C6orf58: variants seen among roughly 807,000 people sequenced by gnomAD.
C6orf58 encodes chromosome 6 open reading frame 58.
Under a neutral mutation model 37.0 loss-of-function variants are expected in C6orf58, and 30 were observed. That is an observed-to-expected ratio of 0.81 (90% CI 0.61 to 1.10). The LOEUF is 1.10. Among genes scored for constraint, C6orf58 ranks in the 50% least tolerant of loss-of-function variants. The probability of loss-of-function intolerance (pLI) is 0.00; values close to 1 mark genes in which losing one functional copy is unlikely to be tolerated. For missense variants in C6orf58, 368 were observed against 387.5 expected (o/e 0.95, Z 0.42); for synonymous variants, 143 against 134.1 (o/e 1.07, Z -0.46).
At chr6:127,581,314 A>T (rs772606205) in intron 4 of C6orf58, 32 bp downstream of exon 4, 8 of 956,856 alleles carry the variant, frequency 8.4e-6, no homozygotes, top group Non-Finnish European at 1.2e-5. Context: ...ATCTCTATTT[A>T]ATATGATAAA....
At chr6:127,584,605 C>A (rs1300020358) in intron 4 of C6orf58, among the ~76,000 whole-genome samples, 1 of 152,094 alleles carries the variant, frequency 6.6e-6, no homozygotes, top group Non-Finnish European at 1.5e-5. Context: ...GAAACCCCGT[C>A]TCTAGTAAAA....
intron 2 of C6orf58, among the ~76,000 whole-genome samples, chr6:127,579,228 G>C (rs1187454548): frequency 6.6e-6 from 1 of 152,052 alleles, no homozygotes; most frequent in Non-Finnish European, 1.5e-5. Context: ...AGTAATCTCA[G>C]GCTTTAATCA....
chr6:127,578,609 C>G, intron 1 of C6orf58, 77 bp from the exon 2 acceptor site: 2 of 915,628 alleles, frequency 2.2e-6, no homozygotes, highest in South Asian at 3.1e-5. Flanking sequence ...CAAACAAAAT[C>G]TATGTGGTTA....
At chr6:127,590,965 A>C (rs1411969143) in intron 5 of C6orf58, among the ~76,000 whole-genome samples, 3 of 152,162 alleles carry the variant, frequency 2.0e-5, no homozygotes, top group African/African-American at 7.2e-5. Flanking sequence ...TGAAAGATAA[A>C]AATGGAGTAA....
At chr6:127,591,464 A>T in intron 5 of C6orf58, 79 bp from the exon 6 acceptor site, 1 of 1,241,970 alleles carries the variant, frequency 8.1e-7, no homozygotes, top group Non-Finnish European at 1.1e-6. Flanking sequence ...ATGAAATAAA[A>T]TTATGAGCCA....
chr6:127,581,000 A>G (rs909809722), intron 3 of C6orf58, among the ~76,000 whole-genome samples, 182 bp from the exon 4 acceptor site: 6 of 152,084 alleles, frequency 3.9e-5, no homozygotes, highest in Admixed American at 6.6e-5. Context: ...ATTAAAACTA[A>G]TGAATATTTT....
intron 4 of C6orf58, among the ~76,000 whole-genome samples, chr6:127,589,515 T>C (rs899173248): frequency 6.6e-6 from 1 of 152,208 alleles, no homozygotes; most frequent in Non-Finnish European, 1.5e-5. Context: ...TCACCTATTA[T>C]GGGGACAAAT....
intron 4 of C6orf58, among the ~76,000 whole-genome samples, chr6:127,589,247 T>G (rs1368030736): frequency 6.6e-6 from 1 of 152,162 alleles, no homozygotes; most frequent in Non-Finnish European, 1.5e-5. Context: ...TCAGGTGGGC[T>G]GGAATGCCCT....
chr6:127,588,445 CT>C (rs1459145490), intron 4 of C6orf58, among the ~76,000 whole-genome samples: 1 of 152,102 alleles, frequency 6.6e-6, no homozygotes, highest in Non-Finnish European at 1.5e-5. Flanking sequence ...ACCCTAAAAG[CT>C]CATCAAGTTA....
intron 4 of C6orf58, among the ~76,000 whole-genome samples, chr6:127,588,808 C>T (rs916529997): frequency 6.6e-6 from 1 of 152,126 alleles, no homozygotes; most frequent in Non-Finnish European, 1.5e-5. Context: ...TTGTTTAGTA[C>T]ATTGTTACTA....
chr6:127,585,888 A>G (rs1775101457), intron 4 of C6orf58, among the ~76,000 whole-genome samples: 2 of 152,160 alleles, frequency 1.3e-5, no homozygotes. Flanking sequence ...ACAACCTGTC[A>G]TTCCATACCC....
chr6:127,578,157 AGAAAAACAAT>A (rs1775010164), intron 1 of C6orf58, among the ~76,000 whole-genome samples: 1 of 152,150 alleles, frequency 6.6e-6, no homozygotes, highest in Non-Finnish European at 1.5e-5. Flanking sequence ...TTCATTTGGA[AGAAAAACAAT>A]GATTATTTTC....
Position 127,581,230 on chromosome 6 carries a change from TG to T in C6orf58, c.625del (p.Ala209LeufsTer39). 6.5e-7 allele frequency: 1 copy of T among 1,545,246 alleles called. No homozygotes were observed. Among genetic ancestry groups the T allele is most frequent in the Non-Finnish European group, 8.8e-7 (1 of 1,142,692 alleles). ...GTTTGATGATCTGTTGAAGTACTTATGGGCTGCACACACTTCAACCTTGGCA... is the reference window on the plus strand; with the variant it reads ...GTTTGATGATCTGTTGAAGTACTTATGGCTGCACACACTTCAACCTTGGCA... ...SKFDDLLKYL[W>X]AAHTSTLADN... On this transcript the variant is annotated frameshift_variant, in exon 4 of 6. Transcript: ENST00000329722. LOFTEE classifies it high-confidence loss of function.
intron 2 of C6orf58, among the ~76,000 whole-genome samples, chr6:127,579,468 C>T (rs1775025105): frequency 6.6e-6 from 1 of 152,068 alleles, no homozygotes; most frequent in Admixed American, 6.6e-5. Flanking sequence ...ATAGTAGTGG[C>T]CACAGATCTA....
At chr6:127,586,868 C>A (rs79027886) in intron 4 of C6orf58, among the ~76,000 whole-genome samples, 7,649 of 152,242 alleles carry the variant, frequency 0.05, 202 homozygotes, top group South Asian at 0.068. Context: ...TTCAAGGACC[C>A]TCTGTTCTAC....
intron 1 of C6orf58, 50 bp from the exon 2 acceptor site, chr6:127,578,636 A>G: frequency 7.7e-7 from 1 of 1,299,264 alleles, no homozygotes; most frequent in Non-Finnish European, 1.1e-6. Flanking sequence ...AGTTACAGCC[A>G]GTTTCAAAAT....
chr6:127,588,763 C>T (rs922082884), intron 4 of C6orf58, among the ~76,000 whole-genome samples: 2 of 152,160 alleles, frequency 1.3e-5, no homozygotes, highest in Non-Finnish European at 2.9e-5. Flanking sequence ...GTGCACTCAT[C>T]TCTTCTCTCC....
chr6:127,589,575 GA>G (rs1775140168), intron 4 of C6orf58, among the ~76,000 whole-genome samples: 1 of 152,076 alleles, frequency 6.6e-6, no homozygotes, highest in African/African-American at 2.4e-5. Flanking sequence ...AACAATTACA[GA>G]GGCTTTTTTT....
At chr6:127,589,574 A>G (rs1301494808) in intron 4 of C6orf58, among the ~76,000 whole-genome samples, 1 of 152,198 alleles carries the variant, frequency 6.6e-6, no homozygotes, top group Non-Finnish European at 1.5e-5. Flanking sequence ...TAACAATTAC[A>G]GAGGCTTTTT....
Sources: gnomAD v4.1 joint callset for allele counts (sites outside exome capture counted in the v4.1 genomes callset) on GRCh38, gnomAD v4.1.1 for gene constraint, MANE v1.5 for transcripts, NCBI Gene and HGNC (gene_info 2026-07-23, HGNC 2026-07-21) for gene names.